PPARGC1A: variants seen among roughly 807,000 people sequenced by gnomAD.
The protein encoded by PPARGC1A is peroxisome proliferator-activated receptor gamma coactivator 1-alpha.
PPARGC1A carries 25 observed loss-of-function variants against 88.7 expected under a neutral mutation model. The observed-to-expected ratio is 0.28, with a 90% CI of 0.21 to 0.39. The LOEUF is 0.39. PPARGC1A is among the 10% of genes least tolerant of loss of function. PPARGC1A has a pLI of 1.00. For synonymous variants in PPARGC1A, 363 were observed against 355.6 expected, an observed-to-expected ratio of 1.02 and a Z score of -0.24; for missense variants, 880 against 968.7, an observed-to-expected ratio of 0.91 and a Z score of 1.22.
At chr4:24,220,989 G>GA in the PPARGC1A span, among the ~76,000 whole-genome samples, 13 of 150,202 alleles carry the variant, frequency 8.7e-5, no homozygotes, top group Middle Eastern at 3.4e-3. Context: ...AGATGGTGGG[G>GA]AAAAAAAAAT....
chr4:24,471,060 C>T, the PPARGC1A span, among the ~76,000 whole-genome samples: 12 of 151,536 alleles, frequency 7.9e-5, no homozygotes, highest in Admixed American at 7.9e-4. The surrounding 1 kb of genome is among the most constrained non-coding windows in gnomAD (Gnocchi z 5.4). Flanking sequence ...CGGGCAGCCC[C>T]GCAAGCGGCC....
At chr4:24,306,080 G>A in the PPARGC1A span, among the ~76,000 whole-genome samples, 1 of 152,160 alleles carries the variant, frequency 6.6e-6, no homozygotes, top group Non-Finnish European at 1.5e-5. Flanking sequence ...ACAATCCACA[G>A]AAGCAGATTC....
At chr4:24,456,883 A>T in the PPARGC1A span, among the ~76,000 whole-genome samples, 556 of 152,198 alleles carry the variant, frequency 3.7e-3, 1 homozygote, top group Middle Eastern at 0.02. Context: ...CTGGCAAAGT[A>T]TGGTGGGGAT....
the PPARGC1A span, among the ~76,000 whole-genome samples, chr4:24,195,394 CAGA>C: frequency 1.3e-5 from 2 of 152,266 alleles, no homozygotes; most frequent in Non-Finnish European, 2.9e-5. Flanking sequence ...TTATGTCTGC[CAGA>C]AGTTCTCACT....
At chr4:24,079,677 A>G in the PPARGC1A span, among the ~76,000 whole-genome samples, 8 of 152,078 alleles carry the variant, frequency 5.3e-5, no homozygotes, top group African/African-American at 1.9e-4. Flanking sequence ...GATCAGATAA[A>G]TGTTACCCTA....
the PPARGC1A span, among the ~76,000 whole-genome samples, chr4:24,357,079 C>T: frequency 5.9e-5 from 9 of 152,198 alleles, no homozygotes; most frequent in African/African-American, 2.2e-4. Context: ...TATGCTGAGA[C>T]AGGTCTGCAC....
At chr4:24,164,923 A>G in the PPARGC1A span, among the ~76,000 whole-genome samples, 1 of 152,230 alleles carries the variant, frequency 6.6e-6, no homozygotes, top group African/African-American at 2.4e-5. Context: ...CAAGTGCACT[A>G]TTTTGACTTT....
At chr4:24,177,297 T>C in the PPARGC1A span, among the ~76,000 whole-genome samples, 1 of 152,068 alleles carries the variant, frequency 6.6e-6, no homozygotes. Flanking sequence ...ATAAAAATGA[T>C]GAGTTCATGT....
chr4:23,901,539 G>A (rs548363752), upstream of PPARGC1A, among the ~76,000 whole-genome samples: 23 of 146,486 alleles, frequency 1.6e-4, no homozygotes, highest in Middle Eastern at 3.4e-3. Flanking sequence ...GTAAGACTCC[G>A]TCTCAAAAAA....
chr4:24,064,121 G>T, the PPARGC1A span, among the ~76,000 whole-genome samples: 6 of 152,274 alleles, frequency 3.9e-5, no homozygotes, highest in East Asian at 9.7e-4. Context: ...CTGAAGAGGA[G>T]CACAGACTGC....
the PPARGC1A span, among the ~76,000 whole-genome samples, chr4:24,311,687 C>G: frequency 6.6e-6 from 1 of 151,692 alleles, no homozygotes; most frequent in African/African-American, 2.4e-5. Context: ...ATAGGTTTAA[C>G]AGCAGAATAA....
chr4:23,937,870 TA>T, the PPARGC1A span, among the ~76,000 whole-genome samples: 1 of 152,196 alleles, frequency 6.6e-6, no homozygotes, highest in South Asian at 2.1e-4. Context: ...TCCATTCAAT[TA>T]TACGACTTCT....
chr4:24,453,315 T>C, the PPARGC1A span, among the ~76,000 whole-genome samples: 1 of 152,192 alleles, frequency 6.6e-6, no homozygotes, highest in African/African-American at 2.4e-5. Flanking sequence ...TCTTGCAAAC[T>C]AATACAGAGG....
the PPARGC1A span, among the ~76,000 whole-genome samples, chr4:24,095,342 C>T: frequency 6.6e-6 from 1 of 152,070 alleles, no homozygotes; most frequent in African/African-American, 2.4e-5. Context: ...GTCTCGAACT[C>T]CTGACCTCAA....
chr4:24,173,219 C>G, the PPARGC1A span, among the ~76,000 whole-genome samples: 3 of 151,002 alleles, frequency 2.0e-5, no homozygotes, highest in Admixed American at 2.0e-4. Context: ...CCTAAATGAT[C>G]ATTAAAACCC....
chr4:24,188,909 G>A, the PPARGC1A span, among the ~76,000 whole-genome samples: 2 of 152,060 alleles, frequency 1.3e-5, no homozygotes, highest in Admixed American at 6.5e-5. Flanking sequence ...TCCATCAACA[G>A]ACGAATGAAT....
chr4:24,129,777 A>C, the PPARGC1A span, among the ~76,000 whole-genome samples: 3 of 152,214 alleles, frequency 2.0e-5, no homozygotes, highest in Non-Finnish European at 4.4e-5. Context: ...CTGGATTAAG[A>C]AAATGTGGCA....
At chr4:24,069,251 C>T in the PPARGC1A span, among the ~76,000 whole-genome samples, 1 of 152,130 alleles carries the variant, frequency 6.6e-6, no homozygotes, top group African/African-American at 2.4e-5. Context: ...CCTTGGTTGC[C>T]TTGTTTTCTT....
chr4:24,417,656 T>C, the PPARGC1A span, among the ~76,000 whole-genome samples: 1 of 152,204 alleles, frequency 6.6e-6, no homozygotes, highest in African/African-American at 2.4e-5. Context: ...TAAATTGATA[T>C]GTTCATCTAG....
Sources: gnomAD v4.1 joint callset for allele counts (sites outside exome capture counted in the v4.1 genomes callset) on GRCh38, gnomAD v4.1.1 for gene constraint, Gnocchi (gnomAD v3.1) non-coding constraint, MANE v1.5 for transcripts, NCBI Gene and HGNC (gene_info 2026-07-23, HGNC 2026-07-21) for gene names.